The following DOCK1 variants were observed in gnomAD, a reference collection of about 807,000 sequenced individuals.
The protein encoded by DOCK1 is dedicator of cytokinesis protein 1.
In DOCK1, 138 loss-of-function variants were observed where a neutral mutation model predicts 262.7. That is an observed-to-expected ratio of 0.53 (90% CI 0.46 to 0.61). DOCK1 has a LOEUF of 0.61. DOCK1 is among the 20% of genes least tolerant of loss of function. DOCK1 has a pLI of 0.00. For synonymous variants in DOCK1, 866 were observed against 867.4 expected (o/e 1.00, Z 0.03); for missense variants, 1,908 against 2,370.7 (o/e 0.80, Z 4.05).
At chr10:127,408,807 G>T (rs182000733) in intron 40 of DOCK1, among the ~76,000 whole-genome samples, 150 of 152,202 alleles carry the variant, frequency 9.9e-4, no homozygotes, top group Middle Eastern at 6.8e-3. Flanking sequence ...TGTTAGTAGC[G>T]CAGTGCTGAG....
rs190773121 is a variant in DOCK1 at position 127,383,581 on chromosome 10, C to T, written c.3808-1209C>T. Reference sequence around the variant, plus strand: ...TGGAAAGGCAGAGCCATACAGGGCCCGTGCCCTGTGCCTGGGAGCCCTGAT... The same window carrying T: ...TGGAAAGGCAGAGCCATACAGGGCCTGTGCCCTGTGCCTGGGAGCCCTGAT... On this transcript the variant is annotated intron_variant, in intron 37 of 51. Transcript: ENST00000623213. Among the ~76,000 whole-genome samples, 10 of 152,338 alleles carry T rather than the reference C, an allele frequency of 6.6e-5. No individual in the cohort carries two copies. The East Asian group carries it at 1.7e-3, about 26-fold the overall frequency.
chr10:127,381,958 TATGGATGGATGG>T (rs10541699), intron 37 of DOCK1, among the ~76,000 whole-genome samples: 50 of 150,028 alleles, frequency 3.3e-4, no homozygotes, highest in East Asian at 1.4e-3. Context: ...TACAGTGACG[TATGGATGGATGG>T]ATGGATGGAT....
At chr10:127,404,583 G>A (rs531672488) in intron 40 of DOCK1, among the ~76,000 whole-genome samples, 154 bp downstream of exon 40, 2 of 152,286 alleles carry the variant, frequency 1.3e-5, no homozygotes, top group East Asian at 3.9e-4. Flanking sequence ...GGGGCAGAGA[G>A]GGGTTGACAG....
chr10:127,177,608 G>A (rs1034063626), intron 27 of DOCK1, among the ~76,000 whole-genome samples: 27 of 152,224 alleles, frequency 1.8e-4, no homozygotes, highest in African/African-American at 1.4e-4. Context: ...ACATGGGCCC[G>A]TGAGAGCTGC....
At chr10:127,416,832 T>C (rs558198613) in intron 44 of DOCK1, among the ~76,000 whole-genome samples, 28 of 152,180 alleles carry the variant, frequency 1.8e-4, no homozygotes, top group African/African-American at 6.7e-4. Flanking sequence ...CCTGGCAAAG[T>C]AAGTTGTGGG....
chr10:127,362,071 C>A lies in DOCK1; in HGVS notation c.3291C>A (p.His1097Gln), dbSNP rs774446753. The A allele has an allele frequency of 6.2e-7, 1 of 1,608,400 alleles. No homozygotes were observed. The highest frequency in any genetic ancestry group is 8.5e-7 in the Non-Finnish European group (1 of 1,178,322). ...IRDMWYNLGQ[H>Q]KIKFIPEMVG... is the part of the protein sequence containing the mutation. ...GTACCTCTTTTTTCCAAGGTCAACA[C>A]AAGATAAAGTTCATTCCAGAAATGG... Residue 1097 changes from histidine to glutamine, a missense_variant, in exon 33 of 52, where the codon CAC becomes CAA. His to Gln is a conservative substitution (Grantham distance 24). Transcript: ENST00000623213.
At position 127,381,384 on chromosome 10, in the gene DOCK1, A is replaced by G. The variant is rs1284376537; in HGVS notation, c.3807+16A>G. The G allele has an allele frequency of 1.3e-6, 2 of 1,593,498 alleles. No individual in the cohort carries two copies. Among genetic ancestry groups the G allele is most frequent in the East Asian group, 4.5e-5 (2 of 44,616 alleles). Reference sequence around the variant, plus strand: ...GCTTCTTAAGGTAATGTCAATTACCAGTCACCTTGATGATTCTATTGTTAT... The same window carrying G: ...GCTTCTTAAGGTAATGTCAATTACCGGTCACCTTGATGATTCTATTGTTAT... On this transcript the variant is annotated intron_variant, in intron 37 of 51. Transcript: ENST00000623213.
chr10:127,378,029 A>G (rs562306269), intron 35 of DOCK1, among the ~76,000 whole-genome samples: 9 of 152,252 alleles, frequency 5.9e-5, no homozygotes, highest in Admixed American at 3.3e-4. Context: ...TATATTTGTA[A>G]TTCTTTAACT....
At chr10:127,061,856 T>A in intron 23 of DOCK1, 80 bp downstream of exon 23, 3 of 1,104,654 alleles carry the variant, frequency 2.7e-6, no homozygotes, top group Non-Finnish European at 3.8e-6. Context: ...GTATTTTGAT[T>A]ACAGTTAATT....
At chr10:127,413,823 CCTT>C (rs1347265574) in intron 43 of DOCK1, among the ~76,000 whole-genome samples, 1 of 152,176 alleles carries the variant, frequency 6.6e-6, no homozygotes, top group Non-Finnish European at 1.5e-5. Context: ...TTGCCTGTGT[CCTT>C]ATGGCTTCAG....
chr10:126,999,422 G>A lies in DOCK1; in HGVS notation c.836G>A (p.Arg279Gln). The change falls in exon 9 of 52, where the codon CGA (arginine) becomes CAA (glutamine). Residue 279 changes from arginine (R) to glutamine (Q), a missense_variant. Arg to Gln is a conservative substitution (Grantham distance 43). This residue lies in a region of DOCK1 where 102 missense variants were observed against 154.9 expected (regional missense o/e 0.66). Transcript: ENST00000623213. ...GACATAGACAGATTACATAATTTGC[G>A]AGCCGTGTTTACTGTAAGTGCACCC... ...PKDIDRLHNL[R>Q]AVFTDLGSKD... The A allele has an allele frequency of 3.7e-6, 6 of 1,613,084 alleles. No homozygotes were observed. Among genetic ancestry groups the A allele is most frequent in the Non-Finnish European group, 5.1e-6 (6 of 1,179,536 alleles).
chr10:127,334,035 A>G (rs995723380), intron 29 of DOCK1, among the ~76,000 whole-genome samples: 2 of 152,308 alleles, frequency 1.3e-5, no homozygotes, highest in East Asian at 1.9e-4. Context: ...TTGTTTTAAC[A>G]TTTTTAAAAT....
At position 127,409,173 on chromosome 10, in the gene DOCK1, G is replaced by T; in HGVS notation, c.4259G>T (p.Gly1420Val). 1.2e-6 allele frequency: 2 copies of T among 1,613,602 alleles called. No individual in the cohort carries two copies. Among genetic ancestry groups the T allele is most frequent in the Non-Finnish European group, 1.7e-6 (2 of 1,179,790 alleles). Reference sequence around the variant, plus strand: ...GGCGACGATATTAAAAACTCTCCTGGCCAGTGTATCCTTTAAGACAACCTC... The same window carrying T: ...GGCGACGATATTAAAAACTCTCCTGTCCAGTGTATCCTTTAAGACAACCTC... ...PPGDDIKNSP[G>V]QYIQCFTVKP... is the part of the protein sequence containing the mutation. Residue 1420 changes from glycine to valine, a missense_variant, in exon 41 of 52, where the codon GGC becomes GTC. Physicochemically the swap from Gly to Val is moderately radical, Grantham distance 109. Transcript: ENST00000623213.
intron 23 of DOCK1, among the ~76,000 whole-genome samples, chr10:127,075,570 A>G (rs1442932828): frequency 1.3e-5 from 2 of 152,204 alleles, no homozygotes; most frequent in Non-Finnish European, 1.5e-5. Flanking sequence ...CACAGGTTTA[A>G]CGGAAGCATG....
intron 28 of DOCK1, among the ~76,000 whole-genome samples, chr10:127,251,887 G>A (rs1209455030): frequency 6.6e-6 from 1 of 150,814 alleles, no homozygotes; most frequent in South Asian, 2.1e-4. Context: ...AGTCCTTTGG[G>A]TATATACCCA....
rs768435458 is a variant in DOCK1 at position 126,905,542 on chromosome 10, C to T, written c.25C>T (p.Arg9Cys). The change falls in exon 1 of 52, where the codon CGC becomes TGC. Residue 9 changes from arginine to cysteine, a missense_variant. Physicochemically the swap from Arg to Cys is radical, Grantham distance 180. Transcript: ENST00000623213. MTRWVPTK[R>C]EEKYGVAFYN... ...CATGACGCGCTGGGTGCCCACCAAGCGCGAGGAGAAGTACGGCGTGGGTGA... is the reference window on the plus strand; with the variant it reads ...CATGACGCGCTGGGTGCCCACCAAGTGCGAGGAGAAGTACGGCGTGGGTGA... 14 of 503,864 alleles carry T rather than the reference C, an allele frequency of 2.8e-5. No individual in the cohort carries two copies. Among genetic ancestry groups the T allele is most frequent in the Non-Finnish European group, 4.0e-5 (11 of 277,164 alleles). The allele number at this position is 503,864 out of a possible 1,614,324, so 31.2% of individuals were successfully genotyped here. A position where few individuals can be genotyped will look rare whatever the true frequency, so the allele number is the denominator to read the frequency against.
chr10:126,968,947 AT>A (rs2037883638), intron 1 of DOCK1, among the ~76,000 whole-genome samples: 1 of 152,216 alleles, frequency 6.6e-6, no homozygotes, highest in African/African-American at 2.4e-5. Flanking sequence ...AGGAAATAGA[AT>A]TTTCAATATC....
intron 1 of DOCK1, among the ~76,000 whole-genome samples, chr10:126,936,052 C>T (rs1459877068): frequency 6.6e-6 from 1 of 152,230 alleles, no homozygotes; most frequent in Non-Finnish European, 1.5e-5. Flanking sequence ...ACAGTCATAG[C>T]TCACTGCAGC....
intron 23 of DOCK1, among the ~76,000 whole-genome samples, chr10:127,085,526 G>C (rs1476370830): frequency 2.0e-5 from 3 of 152,168 alleles, no homozygotes; most frequent in African/African-American, 7.2e-5. Context: ...TTGGGAGGCC[G>C]AGGCAGGCGG....
Sources: gnomAD v4.1 joint callset for allele counts (sites outside exome capture counted in the v4.1 genomes callset) on GRCh38, gnomAD v4.1.1 for gene constraint, gnomAD v4.1.1 regional missense constraint, MANE v1.5 for transcripts, NCBI Gene and HGNC (gene_info 2026-07-23, HGNC 2026-07-21) for gene names.